The following VWA8 variants were observed in gnomAD, a reference collection of about 807,000 sequenced individuals.
VWA8 encodes von Willebrand factor A domain containing 8.
VWA8 carries 221 observed loss-of-function variants against 241.5 expected under a neutral mutation model. The observed-to-expected ratio is 0.91, with a 90% CI of 0.82 to 1.02. The LOEUF (loss-of-function observed/expected upper bound fraction) is 1.02, where lower values mean the gene tolerates loss of function less well. VWA8 is among the 50% of genes least tolerant of loss of function. The pLI, the probability that VWA8 is intolerant of heterozygous loss-of-function variation, is 0.00. For synonymous variants in VWA8, 852 were observed against 827.1 expected, an observed-to-expected ratio of 1.03 and a Z score of -0.52; for missense variants, 2,322 against 2,328.7, an observed-to-expected ratio of 1.00 and a Z score of 0.06.
chr13:41,859,107 C>CA (rs1160058665), intron 12 of VWA8, among the ~76,000 whole-genome samples: 216 of 106,498 alleles, frequency 2.0e-3, no homozygotes, highest in African/African-American at 3.0e-3. Flanking sequence ...AAGTCAGCGT[C>CA]AAAAAAAAAA....
At chr13:41,601,406 T>G (rs1382477799) in intron 40 of VWA8, among the ~76,000 whole-genome samples, 1 of 152,096 alleles carries the variant, frequency 6.6e-6, no homozygotes, top group African/African-American at 2.4e-5. Context: ...AAGCTTATTT[T>G]GAAACACCAC....
At chr13:41,666,115 C>G (rs1463585740) in intron 37 of VWA8, among the ~76,000 whole-genome samples, 3 of 152,036 alleles carry the variant, frequency 2.0e-5, no homozygotes, top group Non-Finnish European at 4.4e-5. Context: ...CCAATGGAAG[C>G]TTTTCTTTTA....
chr13:41,732,105 A>T lies in VWA8; in HGVS notation c.2477T>A (p.Leu826His). The T allele has an allele frequency of 6.2e-7, 1 of 1,613,440 alleles. No homozygotes were observed. The highest frequency in any genetic ancestry group is 8.5e-7 in the Non-Finnish European group (1 of 1,179,608). The change falls in exon 22 of 45, where the codon CTT becomes CAT. Residue 826 changes from leucine (L) to histidine (H), a missense_variant. Coordinates refer to ENST00000379310, the MANE Select transcript of VWA8 (RefSeq NM_015058.2). ...LTLQPSVKDG[L>H]IVYEDSPLVK... The stretch of plus-strand genomic sequence containing the variant: ...CAAAGGTGAGTCTTCATATACAATA[A>T]GTCCGTCTTTAACCGAAGGCTGAAG...
At chr13:41,934,858 A>C (rs777933093) in intron 2 of VWA8, among the ~76,000 whole-genome samples, 9 of 152,066 alleles carry the variant, frequency 5.9e-5, no homozygotes, top group Non-Finnish European at 1.3e-4. Context: ...ATATGTAAAA[A>C]CATCAAATTA....
chr13:41,651,249 C>G lies in VWA8; in HGVS notation c.4611+19697G>C, dbSNP rs540037992. On this transcript the variant is annotated intron_variant, in intron 37 of 44. Coordinates refer to ENST00000379310, the MANE Select transcript of VWA8 (RefSeq NM_015058.2). ...TGGTTCCATACAAATTGTAAAATAGCTTTTCCTAATTTTGTGAAAAATGAC... is the reference window on the plus strand; with the variant it reads ...TGGTTCCATACAAATTGTAAAATAGGTTTTCCTAATTTTGTGAAAAATGAC... Among the ~76,000 whole-genome samples, 8 of 152,134 alleles carry G rather than the reference C, an allele frequency of 5.3e-5. No homozygotes were observed. The South Asian group carries it at 1.7e-3, about 32-fold the overall frequency.
intron 9 of VWA8, among the ~76,000 whole-genome samples, chr13:41,872,361 T>C (rs1257499066): frequency 6.6e-6 from 1 of 152,230 alleles, no homozygotes; most frequent in Non-Finnish European, 1.5e-5. Context: ...TTTTGGTGTT[T>C]TAGACATGAA....
At chr13:41,576,690 A>G (rs2044352686) in intron 42 of VWA8, among the ~76,000 whole-genome samples, 1 of 152,236 alleles carries the variant, frequency 6.6e-6, no homozygotes, top group Admixed American at 6.5e-5. Context: ...TAAATATGTA[A>G]AAGATATACA....
At chr13:41,907,143 C>T (rs1403360208) in intron 4 of VWA8, among the ~76,000 whole-genome samples, 2 of 151,990 alleles carry the variant, frequency 1.3e-5, no homozygotes, top group South Asian at 2.1e-4. Context: ...ACCTAAGATA[C>T]TCTCCCACCA....
chr13:41,856,558 C>T (rs927988948), intron 12 of VWA8, among the ~76,000 whole-genome samples: 6 of 152,080 alleles, frequency 3.9e-5, no homozygotes, highest in Non-Finnish European at 8.8e-5. Flanking sequence ...TAGTGGCTAA[C>T]GCCTGTAATC....
Position 41,732,107 on chromosome 13 carries a change from T to C in VWA8, c.2475A>G (p.Gly825=), listed in dbSNP as rs146847622. The C allele has an allele frequency of 3.0e-5, 49 of 1,613,320 alleles. No individual in the cohort carries two copies. The highest frequency in any genetic ancestry group is 4.2e-5 in the Non-Finnish European group (49 of 1,179,622). ...AAGGTGAGTCTTCATATACAATAAG[T>C]CCGTCTTTAACCGAAGGCTGAAGCG... ...TLTLQPSVKD[G]LIVYEDSPLV... Residue 825 remains glycine, a synonymous_variant, in exon 22 of 45, where the codon GGA becomes GGG. Coordinates refer to ENST00000379310, the MANE Select transcript of VWA8 (RefSeq NM_015058.2).
chr13:41,755,299 C>T (rs2045686602), intron 21 of VWA8, among the ~76,000 whole-genome samples: 1 of 151,922 alleles, frequency 6.6e-6, no homozygotes, highest in Admixed American at 6.6e-5. Context: ...TGGATACAAG[C>T]CATTTTAACT....
intron 37 of VWA8, among the ~76,000 whole-genome samples, chr13:41,651,984 A>C (rs1323888416): frequency 6.6e-6 from 1 of 152,200 alleles, no homozygotes; most frequent in Non-Finnish European, 1.5e-5. Flanking sequence ...TTTGCTGCTA[A>C]AATTTCAAAT....
intron 17 of VWA8, among the ~76,000 whole-genome samples, chr13:41,800,947 T>G (rs1399141293): frequency 6.6e-6 from 1 of 152,128 alleles, no homozygotes; most frequent in African/African-American, 2.4e-5. Flanking sequence ...ATGACAGAAA[T>G]GCGTCCCTTA....
chr13:41,901,882 AAAAAAAAATAT>A (rs1875453339), intron 4 of VWA8, among the ~76,000 whole-genome samples: 1 of 87,472 alleles, frequency 1.1e-5, no homozygotes. Flanking sequence ...AAAAAAAAAA[AAAAAAAAATAT>A]ATATATATAT....
chr13:41,863,691 A>T (rs1303711677), intron 12 of VWA8, among the ~76,000 whole-genome samples: 1 of 151,996 alleles, frequency 6.6e-6, no homozygotes, highest in African/African-American at 2.4e-5. Flanking sequence ...ATGTAGCTAG[A>T]GGACATTATC....
intron 20 of VWA8, among the ~76,000 whole-genome samples, chr13:41,777,175 A>G (rs1376911658): frequency 6.6e-6 from 1 of 152,206 alleles, no homozygotes; most frequent in Non-Finnish European, 1.5e-5. Flanking sequence ...ACAGAGATAA[A>G]TAAGAAAAAC....
rs763455968 is a variant in VWA8, at chr13:41,671,054, A to G, written c.4503T>C (p.Thr1501=). Residue 1501 remains threonine (T), a synonymous_variant, in exon 37 of 45, where the codon ACT becomes ACC. Coordinates refer to ENST00000379310, the MANE Select transcript of VWA8 (RefSeq NM_015058.2). ...LAEWDKSGVV[T]VDMGGHIRLW... Reference sequence around the variant, plus strand: ...GCCTGATGTGACCTCCCATATCAACAGTAACAACACCGCTTTTGTCCCACT... The same window carrying G: ...GCCTGATGTGACCTCCCATATCAACGGTAACAACACCGCTTTTGTCCCACT... 2 of 1,614,028 alleles carry G rather than the reference A, an allele frequency of 1.2e-6. No individual in the cohort carries two copies. Among genetic ancestry groups the G allele is most frequent in the Non-Finnish European group, 1.7e-6 (2 of 1,179,906 alleles).
At chr13:41,872,925 CT>C (rs1483146786) in intron 9 of VWA8, among the ~76,000 whole-genome samples, 1 of 152,078 alleles carries the variant, frequency 6.6e-6, no homozygotes, top group South Asian at 2.1e-4. Flanking sequence ...AATATTGATT[CT>C]TCCTACCCAT....
chr13:41,881,372 C>CCGGGGGGGGG (rs1491423444), intron 9 of VWA8, among the ~76,000 whole-genome samples: 1 of 8,296 alleles, frequency 1.2e-4, no homozygotes, highest in South Asian at 6.1e-3. Context: ...TTTTTTTTGC[C>CCGGGGGGGGG]GGGGGGGGGG....
Sources: allele counts gnomAD v4.1 joint callset (sites outside exome capture counted in the v4.1 genomes callset), GRCh38; gene constraint gnomAD v4.1.1; transcripts MANE v1.5; gene names NCBI Gene and HGNC (gene_info 2026-07-23, HGNC 2026-07-21).